P2RX5: variants seen among roughly 807,000 people sequenced by gnomAD.
The protein encoded by P2RX5 is P2X purinoceptor 5.
In P2RX5, 46 loss-of-function variants were observed where a neutral mutation model predicts 54.1. The ratio of observed to expected loss-of-function variants is 0.85; its 90% CI spans 0.67 to 1.09. P2RX5 has a LOEUF of 1.09. Among genes scored for constraint, P2RX5 ranks in the 50% least tolerant of loss-of-function variants. The pLI is 0.00. For synonymous variants in P2RX5, 226 were observed against 226.4 expected (o/e 1.00, Z 0.02); for missense variants, 566 against 549.8 (o/e 1.03, Z -0.29).
rs942066584 is a variant in P2RX5 at position 3,679,330 on chromosome 17, C to T, written c.1259+260G>A. On this transcript the variant is annotated intron_variant, in intron 11 of 11. Transcript: ENST00000225328. Reference sequence around the variant, plus strand: ...AGAGAGTCAGTGCTGTGGAGCAGCGCGCTGTTATCATCTGAGCGCCGGCAT... The same window carrying T: ...AGAGAGTCAGTGCTGTGGAGCAGCGTGCTGTTATCATCTGAGCGCCGGCAT... 5.3e-5 allele frequency among the ~76,000 whole-genome samples: 8 copies of T among 152,132 alleles called. No individual in the cohort carries two copies. The East Asian group carries it at 5.8e-4, about 11-fold the overall frequency.
chr17:3,699,458 G>A (rs2050800758), upstream of P2RX5, among the ~76,000 whole-genome samples: 1 of 152,022 alleles, frequency 6.6e-6, no homozygotes, highest in Non-Finnish European at 1.5e-5. Flanking sequence ...GGCTGAGGTA[G>A]GAGGATCTCT....
Position 3,691,039 on chromosome 17 carries a change from G to A in P2RX5, c.289-12C>T, listed in dbSNP as rs1206959564. The stretch of plus-strand genomic sequence containing the variant: ...AAGACGTTCTCTCCCTAAGGAACCA[G>A]AGAGGCACTGAGGAACCTCCTCCTG... On this transcript the variant is annotated splice_polypyrimidine_tract_variant and intron_variant, in intron 2 of 11. Coordinates refer to ENST00000225328, the MANE Select transcript of P2RX5 (RefSeq NM_002561.4). The A allele has an allele frequency of 6.2e-7, 1 of 1,602,264 alleles. No individual in the cohort carries two copies. The highest frequency in any genetic ancestry group is 2.2e-5 in the East Asian group (1 of 44,816).
chr17:3,689,927 C>A (rs2050560023), intron 6 of P2RX5, 143 bp downstream of exon 6: 1 of 857,350 alleles, frequency 1.2e-6, no homozygotes. Flanking sequence ...CATGCACGCG[C>A]ACACACGCAC....
At chr17:3,678,945 G>A (rs909295) in intron 11 of P2RX5, among the ~76,000 whole-genome samples, 15,279 of 152,212 alleles carry the variant, frequency 0.1, 1,029 homozygotes, top group East Asian at 0.22. Flanking sequence ...GCTGAGCCTC[G>A]TCTGCAGAGA....
rs1215670087 is a variant in P2RX5 at position 3,677,986 on chromosome 17, G to A, written c.1259+1604C>T. On this transcript the variant is annotated intron_variant, in intron 11 of 11. Transcript: ENST00000225328. ...CTGTGCCTGGAAGCCCCTGTCTCATGCAGGCACAGACTCCTCTACCCAGTT... is the reference window on the plus strand; with the variant it reads ...CTGTGCCTGGAAGCCCCTGTCTCATACAGGCACAGACTCCTCTACCCAGTT... 3 of 985,286 alleles carry A rather than the reference G, an allele frequency of 3.0e-6. No individual in the cohort carries two copies. The African/African-American group carries it at 5.2e-5, about 17-fold the overall frequency. 61.0% of individuals were successfully genotyped at this position (985,286 alleles called of 1,614,324 possible).
chr17:3,691,535 G>A (rs1424523141), intron 2 of P2RX5, 109 bp downstream of exon 2: 2 of 1,375,500 alleles, frequency 1.5e-6, no homozygotes, highest in African/African-American at 2.8e-5. Flanking sequence ...CTTGGGCCAA[G>A]AGAGATGATG....
chr17:3,695,649 A>G, intron 1 of P2RX5, among the ~76,000 whole-genome samples: 1 of 151,656 alleles, frequency 6.6e-6, no homozygotes, highest in East Asian at 1.9e-4. Flanking sequence ...ACCTCTCATC[A>G]CCTCTAGCGC....
intron 1 of P2RX5, 151 bp from the exon 2 acceptor site, chr17:3,691,945 G>A (rs2050629132): frequency 1.3e-6 from 1 of 769,200 alleles, no homozygotes; most frequent in African/African-American, 1.7e-5. Flanking sequence ...TCCTGGGCAG[G>A]GGCCACAGCT....
At chr17:3,712,431 G>T in the P2RX5 span, among the ~76,000 whole-genome samples, 1 of 152,270 alleles carries the variant, frequency 6.6e-6, no homozygotes, top group African/African-American at 2.4e-5. Context: ...GAGCAGCCGG[G>T]GCTGGGATAA....
chr17:3,681,451 C>T (rs1334305767), intron 10 of P2RX5, among the ~76,000 whole-genome samples: 3 of 152,082 alleles, frequency 2.0e-5, no homozygotes, highest in Non-Finnish European at 4.4e-5. Flanking sequence ...GCCCAGGAAA[C>T]TCCGGAAACA....
chr17:3,714,905 A>G, the P2RX5 span: 1 of 1,610,742 alleles, frequency 6.2e-7, no homozygotes, highest in East Asian at 2.2e-5. Context: ...GATGCTCTCC[A>G]AGTTCAGTTG....
At chr17:3,706,294 C>T in the P2RX5 span, among the ~76,000 whole-genome samples, 564 of 151,944 alleles carry the variant, frequency 3.7e-3, 5 homozygotes, top group African/African-American at 0.013. Flanking sequence ...AGGGTTTCGC[C>T]GTGTTGCCCA....
rs1597264477 is a variant in P2RX5, at chr17:3,688,702, C to G, written c.811G>C (p.Glu271Gln). 4 of 1,613,714 alleles carry G rather than the reference C, an allele frequency of 2.5e-6. No homozygotes were observed. The highest frequency in any genetic ancestry group is 3.4e-6 in the Non-Finnish European group (4 of 1,179,652). Residue 271 changes from glutamate to glutamine, a missense_variant, in exon 8 of 12, where the codon GAG becomes CAG. Physicochemically the swap from Glu to Gln is conservative, Grantham distance 29 (BLOSUM62 2). Coordinates refer to ENST00000225328, the MANE Select transcript of P2RX5 (RefSeq NM_002561.4). Reference sequence around the variant, plus strand: ...CTAAAAGAATAGTGAGGGTGGCACTCAGAGGCAGCTTTATCAAGATCACAG... The same window carrying G: ...CTAAAAGAATAGTGAGGGTGGCACTGAGAGGCAGCTTTATCAAGATCACAG... The part of the protein sequence containing the change: ...WNCDLDKAAS[E>Q]CHPHYSFSRL...
At chr17:3,703,237 G>C in the P2RX5 span, among the ~76,000 whole-genome samples, 1 of 152,292 alleles carries the variant, frequency 6.6e-6, no homozygotes, top group East Asian at 1.9e-4. Flanking sequence ...AGGCCCAGTG[G>C]CTCACACCTA....
the P2RX5 span, among the ~76,000 whole-genome samples, chr17:3,712,297 G>C: frequency 6.6e-6 from 1 of 152,170 alleles, no homozygotes; most frequent in African/African-American, 2.4e-5. Context: ...GAAGATGATG[G>C]AATCAGATCA....
At chr17:3,699,624 G>T (rs1483688693), upstream of P2RX5, among the ~76,000 whole-genome samples, 1 of 151,542 alleles carries the variant, frequency 6.6e-6, no homozygotes, top group African/African-American at 2.4e-5. Flanking sequence ...AACCAACATG[G>T]TGAAACCCCC....
chr17:3,714,054 A>C, the P2RX5 span, among the ~76,000 whole-genome samples: 2 of 151,356 alleles, frequency 1.3e-5, no homozygotes, highest in African/African-American at 2.4e-5. Flanking sequence ...CAGCCTCCCG[A>C]GTAGCTGGGA....
chr17:3,721,065 A>C, the P2RX5 span, among the ~76,000 whole-genome samples: 9 of 151,630 alleles, frequency 5.9e-5, no homozygotes, highest in Non-Finnish European at 1.3e-4. Context: ...AGTAGCTGAG[A>C]CCACAGGTGC....
At chr17:3,709,372 T>C in the P2RX5 span, among the ~76,000 whole-genome samples, 3 of 152,296 alleles carry the variant, frequency 2.0e-5, no homozygotes, top group African/African-American at 7.2e-5. Context: ...TCATGTACTT[T>C]ACAAAATTTG....
Sources: allele counts gnomAD v4.1 joint callset (sites outside exome capture counted in the v4.1 genomes callset), GRCh38; gene constraint gnomAD v4.1.1; transcripts MANE v1.5; gene names NCBI Gene and HGNC (gene_info 2026-07-23, HGNC 2026-07-21).